The following ZFPM2 variants were observed in gnomAD, a reference collection of about 807,000 sequenced individuals.
ZFPM2 encodes zinc finger protein ZFPM2.
ZFPM2 carries 20 observed loss-of-function variants against 98.6 expected under a neutral mutation model. The observed-to-expected ratio is 0.20, with a 90% CI of 0.14 to 0.29. The LOEUF is 0.29. ZFPM2 is among the 10% of genes least tolerant of loss of function. ZFPM2 has a pLI of 1.00. For synonymous variants in ZFPM2, 518 were observed against 502.7 expected (o/e 1.03, Z -0.41); for missense variants, 1,310 against 1,388.6 (o/e 0.94, Z 0.90).
chr8:105,746,909 A>T (rs1309537940), intron 5 of ZFPM2, among the ~76,000 whole-genome samples: 1 of 151,810 alleles, frequency 6.6e-6, no homozygotes, highest in African/African-American at 2.4e-5. Flanking sequence ...CTATGACACA[A>T]CTACTGGTTT....
At chr8:105,574,089 A>G (rs1466533236) in intron 4 of ZFPM2, among the ~76,000 whole-genome samples, 3 of 152,240 alleles carry the variant, frequency 2.0e-5, no homozygotes, top group African/African-American at 7.2e-5. Context: ...TTCCCCAAGC[A>G]GTGCATCTAG....
At chr8:105,439,035 C>A (rs1166385834) in intron 2 of ZFPM2, among the ~76,000 whole-genome samples, 1 of 151,526 alleles carries the variant, frequency 6.6e-6, no homozygotes, top group Non-Finnish European at 1.5e-5. Context: ...TTTTATTTTT[C>A]ATATTTCTCA....
At chr8:105,550,577 T>C (rs2130659655) in intron 3 of ZFPM2, among the ~76,000 whole-genome samples, 1 of 152,208 alleles carries the variant, frequency 6.6e-6, no homozygotes. Context: ...ATCTAGAAAG[T>C]TGCATGTAGG....
intron 3 of ZFPM2, among the ~76,000 whole-genome samples, chr8:105,538,873 G>C (rs1321752506): frequency 6.6e-6 from 1 of 152,060 alleles, no homozygotes; most frequent in Non-Finnish European, 1.5e-5. Flanking sequence ...AAATTAGCCA[G>C]GTATGCTAGT....
At chr8:105,492,316 C>A (rs1813371216) in intron 3 of ZFPM2, among the ~76,000 whole-genome samples, 1 of 152,130 alleles carries the variant, frequency 6.6e-6, no homozygotes, top group Non-Finnish European at 1.5e-5. Flanking sequence ...ATATGTATTT[C>A]TCCAACTTTA....
At chr8:105,667,294 T>C (rs1420370727) in intron 5 of ZFPM2, among the ~76,000 whole-genome samples, 1 of 152,152 alleles carries the variant, frequency 6.6e-6, no homozygotes, top group East Asian at 1.9e-4. Context: ...AGATTAGTGG[T>C]GATAGTAGTG....
chr8:105,669,723 C>G (rs903877389), intron 5 of ZFPM2, among the ~76,000 whole-genome samples: 1 of 152,074 alleles, frequency 6.6e-6, no homozygotes, highest in African/African-American at 2.4e-5. Context: ...TTATTCTTCT[C>G]TCTATTGAAG....
At chr8:105,571,606 G>A (rs1815355583) in intron 4 of ZFPM2, among the ~76,000 whole-genome samples, 1 of 152,172 alleles carries the variant, frequency 6.6e-6, no homozygotes, top group African/African-American at 2.4e-5. Context: ...TAGTTTGGCA[G>A]GATATGCTTA....
At chr8:105,431,249 C>T (rs1234115381) in intron 2 of ZFPM2, among the ~76,000 whole-genome samples, 1 of 152,038 alleles carries the variant, frequency 6.6e-6, no homozygotes, top group South Asian at 2.1e-4. Context: ...AAAAGAGAAG[C>T]CTCTGGTTTG....
chr8:105,404,061 C>A (rs573194169), intron 1 of ZFPM2, among the ~76,000 whole-genome samples: 1 of 151,904 alleles, frequency 6.6e-6, no homozygotes, highest in South Asian at 2.1e-4. Context: ...TAGATTTGGC[C>A]CTAGGCGCTA....
At chr8:105,786,493 C>A (rs575711794) in intron 5 of ZFPM2, among the ~76,000 whole-genome samples, 2 of 152,270 alleles carry the variant, frequency 1.3e-5, no homozygotes, top group African/African-American at 4.8e-5. Context: ...AACTGACTTT[C>A]TTTTCAAGTC....
intron 5 of ZFPM2, among the ~76,000 whole-genome samples, chr8:105,712,641 G>T (rs1171769910): frequency 6.6e-6 from 1 of 151,890 alleles, no homozygotes; most frequent in Admixed American, 6.6e-5. Flanking sequence ...TGAGGTTTGG[G>T]CTTCTACTGA....
At chr8:105,406,747 A>T (rs570840369) in intron 1 of ZFPM2, among the ~76,000 whole-genome samples, 1 of 152,106 alleles carries the variant, frequency 6.6e-6, no homozygotes, top group African/African-American at 2.4e-5. Context: ...GAAAGGCTAC[A>T]TTTTAATCAA....
intron 1 of ZFPM2, among the ~76,000 whole-genome samples, chr8:105,373,158 C>T (rs770989644): frequency 6.6e-6 from 1 of 152,146 alleles, no homozygotes; most frequent in Non-Finnish European, 1.5e-5. Flanking sequence ...ACTATTCCAT[C>T]GTGATTGGCG....
intron 3 of ZFPM2, among the ~76,000 whole-genome samples, chr8:105,511,274 A>C (rs143695502): frequency 1.6e-4 from 24 of 152,358 alleles, no homozygotes; most frequent in African/African-American, 5.8e-4. Context: ...TCTTATAGAC[A>C]AATCTTCTCC....
At position 105,453,401 on chromosome 8, in the gene ZFPM2, G is replaced by A. The variant is rs141795649; in HGVS notation, c.301+9020G>A. Among the ~76,000 whole-genome samples the A allele has an allele frequency of 7.2e-5, 11 of 152,280 alleles. No homozygotes were observed. In the East Asian group the frequency reaches 1.9e-3, roughly 27 times the overall value. Reference sequence around the variant, plus strand: ...TCAGTGGTGGGGCCAGCCCAGTCTGGTAGAAAGAGATTCAGTAATGACTTC... The same window carrying A: ...TCAGTGGTGGGGCCAGCCCAGTCTGATAGAAAGAGATTCAGTAATGACTTC... On this transcript the variant is annotated intron_variant, in intron 3 of 7. Coordinates refer to ENST00000407775, the MANE Select transcript of ZFPM2 (RefSeq NM_012082.4).
At position 105,535,137 on chromosome 8, in the gene ZFPM2, C is replaced by T. The variant is rs117564408; in HGVS notation, c.302-26226C>T. ...AAATTCCAAATGTCTTTGCCATTGGCCTCCTTCCCATTAAATAAATAACTA... is the reference window on the plus strand; with the variant it reads ...AAATTCCAAATGTCTTTGCCATTGGTCTCCTTCCCATTAAATAAATAACTA... On this transcript the variant is annotated intron_variant, in intron 3 of 7. Transcript: ENST00000407775. Among the ~76,000 whole-genome samples the T allele has an allele frequency of 4.3e-4, 65 of 152,272 alleles. 1 individual carries two copies. The East Asian group carries it at 0.012, about 28-fold the overall frequency.
chr8:105,788,006 A>G (rs529294927), intron 5 of ZFPM2, among the ~76,000 whole-genome samples: 1 of 152,326 alleles, frequency 6.6e-6, no homozygotes, highest in African/African-American at 2.4e-5. Flanking sequence ...CTTTTCATCT[A>G]AACAAATCTT....
At position 105,544,810 on chromosome 8, in the gene ZFPM2, A is replaced by G. The variant is rs373046479; in HGVS notation, c.302-16553A>G. ...CATTACATGTTTGTTCAGCAAATGA[A>G]TAAATACATGGAGTGGTGAGAACTA... On this transcript the variant is annotated intron_variant, in intron 3 of 7. Transcript: ENST00000407775. 1.2e-4 allele frequency among the ~76,000 whole-genome samples: 19 copies of G among 152,334 alleles called. No individual in the cohort carries two copies. In the East Asian group the frequency reaches 2.7e-3, roughly 22 times the overall value.
Sources: allele counts gnomAD v4.1 joint callset (sites outside exome capture counted in the v4.1 genomes callset), GRCh38; gene constraint gnomAD v4.1.1; transcripts MANE v1.5; gene names NCBI Gene and HGNC (gene_info 2026-07-23, HGNC 2026-07-21).